TFDP2: variants seen among roughly 807,000 people sequenced by gnomAD.
The protein encoded by TFDP2 is transcription factor Dp-2.
Under a neutral mutation model 59.3 loss-of-function variants are expected in TFDP2, and 17 were observed. The ratio of observed to expected loss-of-function variants is 0.29; its 90% CI spans 0.20 to 0.43. The LOEUF is 0.43. TFDP2 is among the 20% of genes least tolerant of loss of function. The pLI is 1.00. For missense variants in TFDP2, 391 were observed against 528.8 expected, an observed-to-expected ratio of 0.74 and a Z score of 2.56; for synonymous variants, 180 against 194.7, an observed-to-expected ratio of 0.92 and a Z score of 0.63.
At chr3:141,980,235 A>G (rs1941325836) in intron 6 of TFDP2, among the ~76,000 whole-genome samples, 1 of 149,958 alleles carries the variant, frequency 6.7e-6, no homozygotes. Flanking sequence ...AAAGTTTCAA[A>G]AGTAAAAAAA....
intron 1 of TFDP2, among the ~76,000 whole-genome samples, chr3:142,144,378 A>AAAAAGCGGGG (rs2063086226): frequency 6.6e-6 from 1 of 152,034 alleles, no homozygotes; most frequent in Non-Finnish European, 1.5e-5. Context: ...TCAAAAAAAA[A>AAAAAGCGGGG]AAAAGCGGGG....
intron 6 of TFDP2, among the ~76,000 whole-genome samples, chr3:141,989,896 T>A (rs79735993): frequency 0.043 from 6,471 of 149,654 alleles, 351 homozygotes; most frequent in African/African-American, 0.12. Context: ...TAATAATAAT[T>A]ATTATTATTA....
intron 1 of TFDP2, among the ~76,000 whole-genome samples, chr3:142,146,464 T>G (rs1211265200): frequency 6.6e-6 from 1 of 152,162 alleles, no homozygotes; most frequent in African/African-American, 2.4e-5. Flanking sequence ...TGAGGAGACT[T>G]AGGCCCAGAG....
chr3:141,977,089 CAT>C lies in TFDP2; in HGVS notation c.519+1429_519+1430del, dbSNP rs1275287133. 4.1e-4 allele frequency among the ~76,000 whole-genome samples: 46 copies of C among 110,938 alleles called. 1 individual carries two copies. The highest frequency in any genetic ancestry group is 6.2e-4 in the Non-Finnish European group (36 of 57,986). 72.8% of individuals were successfully genotyped at this position (110,938 alleles called of 152,430 possible). A position where few individuals can be genotyped will look rare whatever the true frequency, so the allele number is the denominator to read the frequency against. On this transcript the variant is annotated intron_variant, in intron 7 of 12. Transcript: ENST00000489671. Reference sequence around the variant, plus strand: ...AGTGCTCTAGAGAAACAGTCATAGCCATATATATATATATATATTTTTTTTTT... The same window carrying C: ...AGTGCTCTAGAGAAACAGTCATAGCCATATATATATATATATTTTTTTTTT...
At chr3:142,044,075 G>T (rs753982633) in intron 3 of TFDP2, 3 of 651,418 alleles carry the variant, frequency 4.6e-6, no homozygotes, top group African/African-American at 3.6e-5. Flanking sequence ...ATCAGCTTCC[G>T]CATCTGCTGA....
At chr3:142,022,845 G>A (rs2108363272) in intron 3 of TFDP2, among the ~76,000 whole-genome samples, 1 of 152,190 alleles carries the variant, frequency 6.6e-6, no homozygotes, top group South Asian at 2.1e-4. Flanking sequence ...TCCTGGGCCG[G>A]GCACAGGTGG....
intron 1 of TFDP2, among the ~76,000 whole-genome samples, chr3:142,143,303 A>C (rs185319635): frequency 2.6e-3 from 399 of 152,344 alleles, no homozygotes; most frequent in Non-Finnish European, 4.6e-3. Context: ...AAACTACTAG[A>C]AGAAAATATT....
intron 3 of TFDP2, among the ~76,000 whole-genome samples, chr3:142,061,207 A>T (rs2108514716): frequency 6.6e-6 from 1 of 152,360 alleles, no homozygotes. Context: ...GTTAAAATAT[A>T]TCTGATACTG....
chr3:142,084,400 G>A (rs2060741560), intron 3 of TFDP2, among the ~76,000 whole-genome samples: 1 of 152,132 alleles, frequency 6.6e-6, no homozygotes, highest in African/African-American at 2.4e-5. Context: ...AGTACACTAT[G>A]GAGAACAGTT....
intron 6 of TFDP2, among the ~76,000 whole-genome samples, chr3:141,985,532 A>AC (rs1307151566): frequency 0.015 from 2,296 of 150,710 alleles, 30 homozygotes; most frequent in Non-Finnish European, 0.025. Context: ...AAAAAAAAAA[A>AC]AAAAAAAAAA....
At chr3:142,036,985 C>T (rs1279508146) in intron 3 of TFDP2, among the ~76,000 whole-genome samples, 1 of 152,198 alleles carries the variant, frequency 6.6e-6, no homozygotes, top group Non-Finnish European at 1.5e-5. Flanking sequence ...AGTCTGAACT[C>T]GTTATAAGAC....
chr3:142,034,475 GA>G (rs1217962730), intron 3 of TFDP2, among the ~76,000 whole-genome samples: 2 of 151,998 alleles, frequency 1.3e-5, no homozygotes, highest in Non-Finnish European at 2.9e-5. Flanking sequence ...TTAGGCACTA[GA>G]GAGAGAAAAA....
chr3:142,026,004 CATT>C (rs992284203), intron 3 of TFDP2, among the ~76,000 whole-genome samples: 14 of 152,150 alleles, frequency 9.2e-5, no homozygotes, highest in Admixed American at 6.5e-5. Flanking sequence ...ATTTGGTCAT[CATT>C]ATTTGAAGAA....
In TFDP2 at chr3:142,079,594, A is replaced by G. The variant is rs189947737; in HGVS notation, c.82+13467T>C. ...CAAAGACTACCTCAAGGGATTTAAT[A>G]ATCAAACTCCTGAAGGTCAAAGATA... On this transcript the variant is annotated intron_variant, in intron 3 of 12. Coordinates refer to ENST00000489671, the MANE Select transcript of TFDP2 (RefSeq NM_001178139.2). Among the ~76,000 whole-genome samples the G allele has an allele frequency of 1.6e-3, 242 of 152,302 alleles. 1 individual carries two copies. Among genetic ancestry groups the G allele is most frequent in the Admixed American group, 4.2e-3 (64 of 15,296 alleles).
chr3:142,102,789 G>A (rs1160143327), intron 1 of TFDP2, among the ~76,000 whole-genome samples: 2 of 152,162 alleles, frequency 1.3e-5, no homozygotes, highest in East Asian at 1.9e-4. Flanking sequence ...TCTGAGGTAC[G>A]TTTGCCCAAT....
chr3:142,008,032 T>A (rs1020587959), intron 3 of TFDP2, among the ~76,000 whole-genome samples: 1 of 152,090 alleles, frequency 6.6e-6, no homozygotes, highest in Non-Finnish European at 1.5e-5. Flanking sequence ...ATTTGCAACT[T>A]CATATCTGGT....
chr3:142,078,351 C>T (rs1384636202), intron 3 of TFDP2, among the ~76,000 whole-genome samples: 1 of 152,234 alleles, frequency 6.6e-6, no homozygotes, highest in African/African-American at 2.4e-5. Context: ...GTGCTGGCTT[C>T]AGGTCTGAAC....
chr3:142,135,202 C>T (rs2062678448), intron 1 of TFDP2, among the ~76,000 whole-genome samples: 1 of 152,050 alleles, frequency 6.6e-6, no homozygotes, highest in Non-Finnish European at 1.5e-5. Flanking sequence ...AATCCCTGGG[C>T]TCAAGCAATC....
chr3:142,013,120 A>G lies in TFDP2; in HGVS notation c.83-7576T>C, dbSNP rs1246058347. ...CCACTTGCACTCCAGCCTGGGTGAC[A>G]GAGCGAGACTCCATCTTAAAAATAA... On this transcript the variant is annotated intron_variant, in intron 3 of 12. Transcript: ENST00000489671. Among the ~76,000 whole-genome samples the G allele has an allele frequency of 2.0e-5, 3 of 152,188 alleles. No individual in the cohort carries two copies. In the South Asian group the frequency reaches 6.2e-4, roughly 32 times the overall value.
Sources: allele counts gnomAD v4.1 joint callset (sites outside exome capture counted in the v4.1 genomes callset), GRCh38; gene constraint gnomAD v4.1.1; transcripts MANE v1.5; gene names NCBI Gene and HGNC (gene_info 2026-07-23, HGNC 2026-07-21).